The following PLXDC1 variants were observed in gnomAD, a reference collection of about 807,000 sequenced individuals.
PLXDC1 encodes plexin domain-containing protein 1.
In PLXDC1, 39 loss-of-function variants were observed where a neutral mutation model predicts 61.3. The ratio of observed to expected loss-of-function variants is 0.64; its 90% CI spans 0.49 to 0.83. PLXDC1 has a LOEUF of 0.83. Ranked by LOEUF, PLXDC1 falls within the 40% of genes least tolerant of loss-of-function variation. The pLI is 0.00. For synonymous variants in PLXDC1, 212 were observed against 254.5 expected, an observed-to-expected ratio of 0.83 and a Z score of 1.59; for missense variants, 596 against 666.5, an observed-to-expected ratio of 0.89 and a Z score of 1.17.
At chr17:39,142,878 C>A (rs1357297557) in intron 1 of PLXDC1, among the ~76,000 whole-genome samples, 1 of 152,146 alleles carries the variant, frequency 6.6e-6, no homozygotes, top group Non-Finnish European at 1.5e-5. Flanking sequence ...TGGCTCACAC[C>A]TATAATCCTA....
At chr17:39,152,533 T>C, upstream of PLXDC1, 1 of 1,240,452 alleles carries the variant, frequency 8.1e-7, no homozygotes, top group Non-Finnish European at 1.0e-6. Context: ...GCCTCTTCCC[T>C]CCCCTGACCT....
intron 9 of PLXDC1, among the ~76,000 whole-genome samples, chr17:39,082,178 T>G (rs1187973969): frequency 6.6e-6 from 1 of 152,174 alleles, no homozygotes; most frequent in Non-Finnish European, 1.5e-5. Flanking sequence ...AGGCGAGAAC[T>G]TCTACATTTG....
chr17:39,120,345 C>T (rs1911121848), intron 2 of PLXDC1, among the ~76,000 whole-genome samples: 1 of 151,834 alleles, frequency 6.6e-6, no homozygotes. Flanking sequence ...AGAGACCGAC[C>T]TCAGGTGATC....
At chr17:39,146,948 A>ATTTTTTTTTTTTTTTTTTT (rs869300584) in intron 1 of PLXDC1, among the ~76,000 whole-genome samples, 1 of 74,698 alleles carries the variant, frequency 1.3e-5, no homozygotes, top group African/African-American at 5.2e-5. Context: ...ACAGGAAATG[A>ATTTTTTTTTTTTTTTTTTT]TTTTTTTTTT....
intron 6 of PLXDC1, among the ~76,000 whole-genome samples, chr17:39,106,806 C>T (rs1477206351): frequency 2.0e-5 from 3 of 151,940 alleles, no homozygotes; most frequent in African/African-American, 4.8e-5. Flanking sequence ...CCTGCCACCA[C>T]GTCCGGCTAA....
At chr17:39,083,183 G>T (rs996303887) in intron 9 of PLXDC1, among the ~76,000 whole-genome samples, 3 of 152,326 alleles carry the variant, frequency 2.0e-5, no homozygotes, top group South Asian at 2.1e-4. Flanking sequence ...GGAGCCCAGG[G>T]TCTAATGCCC....
chr17:39,076,580 T>C (rs1428495645), intron 11 of PLXDC1, among the ~76,000 whole-genome samples: 1 of 151,626 alleles, frequency 6.6e-6, no homozygotes, highest in Middle Eastern at 3.2e-3. Flanking sequence ...TGTTTTAAAA[T>C]GTTAACTTTT....
chr17:39,142,442 G>A (rs996720482), intron 1 of PLXDC1, among the ~76,000 whole-genome samples: 6 of 152,204 alleles, frequency 3.9e-5, no homozygotes, highest in Non-Finnish European at 8.8e-5. Flanking sequence ...CCATTTCGCG[G>A]CCATGCGAAC....
Position 39,149,210 on chromosome 17 carries a change from G to A in PLXDC1, c.76+2152C>T, listed in dbSNP as rs185475488. 2.1e-4 allele frequency among the ~76,000 whole-genome samples: 32 copies of A among 152,212 alleles called. 1 individual carries two copies. Among genetic ancestry groups the A allele is most frequent in the African/African-American group, 7.0e-4 (29 of 41,536 alleles). The stretch of plus-strand genomic sequence containing the variant: ...AACAAGCCTGTCCATCAGGAGCGAG[G>A]GGAGATCTCAGCTACTTCCCAAGGC... On this transcript the variant is annotated intron_variant, in intron 1 of 13. Transcript: ENST00000315392.
intron 2 of PLXDC1, among the ~76,000 whole-genome samples, chr17:39,114,922 G>A (rs929274482): frequency 6.6e-6 from 1 of 152,176 alleles, no homozygotes; most frequent in African/African-American, 2.4e-5. Context: ...TGAGTGCCCG[G>A]GACAGAAGCC....
At chr17:39,108,441 T>C in intron 4 of PLXDC1, 196 bp from the exon 5 acceptor site, 1 of 601,252 alleles carries the variant, frequency 1.7e-6, no homozygotes, top group South Asian at 2.0e-5. Context: ...GAGAAGGTCC[T>C]CCCTGTCCCT....
Position 39,133,964 on chromosome 17 carries a change from C to T in PLXDC1, c.255+5690G>A, listed in dbSNP as rs191097717. On this transcript the variant is annotated intron_variant, in intron 2 of 13. Coordinates refer to ENST00000315392, the MANE Select transcript of PLXDC1 (RefSeq NM_020405.5). Reference sequence around the variant, plus strand: ...TTGATGCAGGAGGTGATAAGTAATACGGAGAAAAATAGGCCAGGTGCAGTG... The same window carrying T: ...TTGATGCAGGAGGTGATAAGTAATATGGAGAAAAATAGGCCAGGTGCAGTG... Among the ~76,000 whole-genome samples the T allele has an allele frequency of 8.5e-4, 128 of 149,868 alleles. 2 individuals are homozygous for T. The highest frequency in any genetic ancestry group is 1.7e-3 in the African/African-American group (69 of 40,964).
At chr17:39,111,100 C>G (rs1317768014) in intron 2 of PLXDC1, among the ~76,000 whole-genome samples, 2 of 152,158 alleles carry the variant, frequency 1.3e-5, no homozygotes, top group East Asian at 3.9e-4. Flanking sequence ...TCTCTAGCTC[C>G]TTCTCTCTCC....
chr17:39,129,998 G>A (rs1174069665), intron 2 of PLXDC1, among the ~76,000 whole-genome samples: 1 of 152,124 alleles, frequency 6.6e-6, no homozygotes, highest in East Asian at 1.9e-4. Flanking sequence ...AAAGAAACCA[G>A]ACATAAAACA....
At chr17:39,143,300 T>G (rs116242099) in intron 1 of PLXDC1, among the ~76,000 whole-genome samples, 1 of 152,170 alleles carries the variant, frequency 6.6e-6, no homozygotes, top group South Asian at 2.1e-4. Flanking sequence ...TCCCCACCTA[T>G]GACCCTCTTC....
In PLXDC1 at chr17:39,067,926, G is replaced by A. The variant is rs372500263; in HGVS notation, c.1417C>T (p.Arg473Cys). The A allele has an allele frequency of 9.1e-5, 147 of 1,613,924 alleles. No homozygotes were observed. The highest frequency in any genetic ancestry group is 1.7e-4 in the Middle Eastern group (1 of 6,038). The change falls in exon 14 of 14, where the codon CGC (arginine) becomes TGC (cysteine). Residue 473 changes from arginine (R) to cysteine (C), a missense_variant. Arg to Cys is a radical substitution (Grantham distance 180). Coordinates refer to ENST00000315392, the MANE Select transcript of PLXDC1 (RefSeq NM_020405.5). ...RPHHWPAMKFRSHPDHSTYAE... is the reference protein window; with the variant it reads ...RPHHWPAMKFCSHPDHSTYAE... ...TAGGTGGAATGGTCAGGGTGGCTGCGAAACTTCATGGCTGGCCAGTGGTGA... is the reference window on the plus strand; with the variant it reads ...TAGGTGGAATGGTCAGGGTGGCTGCAAAACTTCATGGCTGGCCAGTGGTGA...
chr17:39,095,090 C>T (rs1910099321), intron 7 of PLXDC1, among the ~76,000 whole-genome samples: 1 of 152,100 alleles, frequency 6.6e-6, no homozygotes, highest in Non-Finnish European at 1.5e-5. Context: ...TCACACCAGG[C>T]TCTAGGGATG....
chr17:39,130,717 C>T (rs766712458), intron 2 of PLXDC1, among the ~76,000 whole-genome samples: 6 of 151,936 alleles, frequency 3.9e-5, no homozygotes, highest in East Asian at 1.9e-4. Flanking sequence ...CATGCCACCA[C>T]GCCCGGCTAA....
chr17:39,136,540 T>C (rs1911757715), intron 2 of PLXDC1, among the ~76,000 whole-genome samples: 1 of 152,036 alleles, frequency 6.6e-6, no homozygotes, highest in Non-Finnish European at 1.5e-5. Context: ...TGAGCCACCG[T>C]GCCCGGCCCA....
Sources: allele counts gnomAD v4.1 joint callset (sites outside exome capture counted in the v4.1 genomes callset), GRCh38; gene constraint gnomAD v4.1.1; transcripts MANE v1.5; gene names NCBI Gene and HGNC (gene_info 2026-07-23, HGNC 2026-07-21).